The following GLRA3 variants were observed in gnomAD, a reference collection of about 807,000 sequenced individuals.
The protein encoded by GLRA3 is glycine receptor subunit alpha-3.
In GLRA3, 44 loss-of-function variants were observed where a neutral mutation model predicts 60.4. The ratio of observed to expected loss-of-function variants is 0.73; its 90% CI spans 0.57 to 0.94. GLRA3 has a LOEUF of 0.94. Among genes scored for constraint, GLRA3 ranks in the 40% least tolerant of loss-of-function variants. The pLI, the probability that GLRA3 is intolerant of heterozygous loss-of-function variation, is 0.00. For missense variants in GLRA3, 508 were observed against 564.6 expected, an observed-to-expected ratio of 0.90 and a Z score of 1.02; for synonymous variants, 223 against 192.9, an observed-to-expected ratio of 1.16 and a Z score of -1.29.
At chr4:174,716,749 C>T (rs1043446968) in intron 4 of GLRA3, among the ~76,000 whole-genome samples, 3 of 152,136 alleles carry the variant, frequency 2.0e-5, no homozygotes, top group Admixed American at 6.6e-5. Context: ...CGTTAACACA[C>T]ATAAGTGCTT....
chr4:174,777,367 T>C (rs1017985770), intron 2 of GLRA3, among the ~76,000 whole-genome samples: 16 of 152,074 alleles, frequency 1.1e-4, no homozygotes, highest in African/African-American at 3.9e-4. Flanking sequence ...TGAAAAGAAA[T>C]GAGCTATCAA....
Position 174,641,485 on chromosome 4 carries a change from T to G in GLRA3, c.*2301A>C, listed in dbSNP as rs149960324. Reference sequence around the variant, plus strand: ...CTTGTGAGTGAAAGCTGTTAAAGTATTTTCTTAGTGCAGTAAGACAGTGAC... The same window carrying G: ...CTTGTGAGTGAAAGCTGTTAAAGTAGTTTCTTAGTGCAGTAAGACAGTGAC... On this transcript the variant is annotated 3_prime_UTR_variant, in exon 10 of 10. Transcript: ENST00000274093. The G allele has an allele frequency of 6.6e-6, 1 of 152,198 alleles. No homozygotes were observed. The highest frequency in any genetic ancestry group is 1.9e-4 in the East Asian group (1 of 5,180). 9.4% of individuals were successfully genotyped at this position (152,198 alleles called of 1,614,324 possible).
chr4:174,732,807 G>A (rs1736607560), intron 3 of GLRA3, among the ~76,000 whole-genome samples: 1 of 151,586 alleles, frequency 6.6e-6, no homozygotes, highest in Admixed American at 6.6e-5. Flanking sequence ...GTGTATGTAT[G>A]TATGTGTGTA....
chr4:174,768,567 T>A (rs947728993), intron 2 of GLRA3, among the ~76,000 whole-genome samples: 1 of 152,152 alleles, frequency 6.6e-6, no homozygotes, highest in African/African-American at 2.4e-5. Flanking sequence ...AAAAAGATTA[T>A]CATCTAGCAG....
intron 1 of GLRA3, among the ~76,000 whole-genome samples, chr4:174,795,211 G>A (rs757133586): frequency 1.4e-4 from 22 of 151,822 alleles, no homozygotes; most frequent in East Asian, 5.8e-4. Flanking sequence ...AGACCAAGAC[G>A]GAAGATATAT....
At chr4:174,703,544 A>G (rs1489141351) in intron 5 of GLRA3, among the ~76,000 whole-genome samples, 1 of 151,806 alleles carries the variant, frequency 6.6e-6, no homozygotes. Context: ...TATAATTCAC[A>G]CTGTTTTTGT....
At chr4:174,699,030 C>T (rs1367904142) in intron 5 of GLRA3, among the ~76,000 whole-genome samples, 8 of 148,370 alleles carry the variant, frequency 5.4e-5, no homozygotes, top group African/African-American at 1.3e-4. Context: ...CGGGGTCTTG[C>T]TTTGTTGCCC....
chr4:174,747,390 G>A lies in GLRA3; in HGVS notation c.268-18692C>T, dbSNP rs368834923. Among the ~76,000 whole-genome samples the A allele has an allele frequency of 1.2e-4, 18 of 152,278 alleles. No individual in the cohort carries two copies. In the East Asian group the frequency reaches 1.9e-3, roughly 16 times the overall value. The stretch of plus-strand genomic sequence containing the variant: ...CGAGAATTCAGTCTGATGACTTAAG[G>A]TGAGACAGATTATACAGGGCTAGTA... On this transcript the variant is annotated intron_variant, in intron 3 of 9. Coordinates refer to ENST00000274093, the MANE Select transcript of GLRA3 (RefSeq NM_006529.4).
rs1735891382 is a variant in GLRA3 at position 174,715,643 on chromosome 4, A to G, written c.492-73T>C. 4 of 694,888 alleles carry G rather than the reference A, an allele frequency of 5.8e-6. No individual in the cohort carries two copies. In the East Asian group the frequency reaches 1.1e-4, roughly 19 times the overall value. 43.0% of individuals were successfully genotyped at this position (694,888 alleles called of 1,614,324 possible). A position where few individuals can be genotyped will look rare whatever the true frequency, so the allele number is the denominator to read the frequency against. Reference sequence around the variant, plus strand: ...TAATATTCTATTGTACAGGAGAAACAATGTTGCTTTGCTGGTGACTAACTC... The same window carrying G: ...TAATATTCTATTGTACAGGAGAAACGATGTTGCTTTGCTGGTGACTAACTC... On this transcript the variant is annotated intron_variant, in intron 4 of 9. Transcript: ENST00000274093.
chr4:174,719,243 G>A (rs999583521), intron 4 of GLRA3, among the ~76,000 whole-genome samples: 11 of 152,058 alleles, frequency 7.2e-5, no homozygotes, highest in African/African-American at 2.7e-4. Flanking sequence ...GATTACAGGC[G>A]TGAGCCACCG....
At chr4:174,669,476 A>T (rs1433922808) in intron 7 of GLRA3, among the ~76,000 whole-genome samples, 1 of 152,170 alleles carries the variant, frequency 6.6e-6, no homozygotes, top group Non-Finnish European at 1.5e-5. Flanking sequence ...GACTCACAAC[A>T]GTCTTGCTGG....
At chr4:174,825,056 T>C (rs1186972319) in intron 1 of GLRA3, among the ~76,000 whole-genome samples, 2 of 152,130 alleles carry the variant, frequency 1.3e-5, no homozygotes, top group Non-Finnish European at 2.9e-5. Flanking sequence ...GTTCTTTCAA[T>C]TGGCAGGGCA....
At chr4:174,718,219 G>A (rs1735997390) in intron 4 of GLRA3, among the ~76,000 whole-genome samples, 1 of 152,260 alleles carries the variant, frequency 6.6e-6, no homozygotes, top group Non-Finnish European at 1.5e-5. Context: ...TGGTGGGTTT[G>A]ATACTGAATT....
intron 3 of GLRA3, among the ~76,000 whole-genome samples, chr4:174,737,047 G>C (rs1272798738): frequency 6.6e-6 from 1 of 152,132 alleles, no homozygotes. Flanking sequence ...AGCGACATCT[G>C]ACACTGTCAG....
chr4:174,679,766 A>G (rs61193037), intron 6 of GLRA3, among the ~76,000 whole-genome samples: 10,966 of 152,290 alleles, frequency 0.072, 479 homozygotes, highest in South Asian at 0.12. Flanking sequence ...CCAGGCATAG[A>G]AAGACAATAT....
Position 174,642,907 on chromosome 4 carries a change from A to G in GLRA3, c.*879T>C. The stretch of plus-strand genomic sequence containing the variant: ...AAGTCACATTCTAAACTAAAATATA[A>G]AAGTCTTACTGAATTTTGTCCTGTT... On this transcript the variant is annotated 3_prime_UTR_variant, in exon 10 of 10. Coordinates refer to ENST00000274093, the MANE Select transcript of GLRA3 (RefSeq NM_006529.4). 2 of 734,284 alleles carry G rather than the reference A, an allele frequency of 2.7e-6. No individual in the cohort carries two copies. The highest frequency in any genetic ancestry group is 6.2e-5 in the South Asian group (1 of 16,162). 45.5% of individuals were successfully genotyped at this position (734,284 alleles called of 1,614,324 possible).
intron 5 of GLRA3, among the ~76,000 whole-genome samples, chr4:174,707,474 A>G (rs994545012): frequency 6.6e-6 from 1 of 152,076 alleles, no homozygotes; most frequent in Non-Finnish European, 1.5e-5. Context: ...TCTCTAATGT[A>G]TGTGTCATCT....
intron 1 of GLRA3, among the ~76,000 whole-genome samples, chr4:174,821,229 T>C (rs1324497623): frequency 6.6e-6 from 1 of 150,422 alleles, no homozygotes; most frequent in Non-Finnish European, 1.5e-5. Context: ...GAAAGTCCAG[T>C]GGCTTCTTGG....
At chr4:174,754,027 A>G (rs1039962669) in intron 3 of GLRA3, among the ~76,000 whole-genome samples, 3 of 152,128 alleles carry the variant, frequency 2.0e-5, no homozygotes, top group African/African-American at 7.2e-5. Flanking sequence ...AGAACTGGAA[A>G]TGTGCCTTTT....
Sources: gnomAD v4.1 joint callset for allele counts (sites outside exome capture counted in the v4.1 genomes callset) on GRCh38, gnomAD v4.1.1 for gene constraint, MANE v1.5 for transcripts, NCBI Gene and HGNC (gene_info 2026-07-23, HGNC 2026-07-21) for gene names.